The following SMOC1 variants were observed in gnomAD, a reference collection of about 807,000 sequenced individuals.
SMOC1 encodes SPARC-related modular calcium-binding protein 1.
In SMOC1, 22 loss-of-function variants were observed where a neutral mutation model predicts 56.3. That is an observed-to-expected ratio of 0.39 (90% CI 0.28 to 0.56). SMOC1 has a LOEUF of 0.56. Among genes scored for constraint, SMOC1 ranks in the 20% least tolerant of loss-of-function variants. The probability of loss-of-function intolerance (pLI) is 0.61; values close to 1 mark genes in which losing one functional copy is unlikely to be tolerated. For missense variants in SMOC1, 509 were observed against 565.4 expected (o/e 0.90, Z 1.01); for synonymous variants, 193 against 215.0 (o/e 0.90, Z 0.89).
chr14:69,883,117 G>A (rs979677192), intron 1 of SMOC1, among the ~76,000 whole-genome samples: 8 of 152,122 alleles, frequency 5.3e-5, no homozygotes, highest in Admixed American at 2.0e-4. Flanking sequence ...GCATTACCTC[G>A]CATAATTATT....
intron 1 of SMOC1, among the ~76,000 whole-genome samples, chr14:69,945,706 G>A (rs1043740876): frequency 6.6e-6 from 1 of 152,218 alleles, no homozygotes. Context: ...ACTTGAAGCT[G>A]TGTTACATAT....
chr14:69,948,896 T>G (rs1018115351), intron 1 of SMOC1, among the ~76,000 whole-genome samples: 5 of 152,214 alleles, frequency 3.3e-5, no homozygotes, highest in Non-Finnish European at 7.3e-5. Context: ...TGGGTGCTGT[T>G]GCTGGTACTG....
At chr14:69,962,566 T>C (rs1052714116) in intron 3 of SMOC1, among the ~76,000 whole-genome samples, 1 of 152,018 alleles carries the variant, frequency 6.6e-6, no homozygotes, top group Non-Finnish European at 1.5e-5. Context: ...GCTTCTTTTT[T>C]TCTTTTTTCT....
In SMOC1 at chr14:70,024,950, A is replaced by G. The variant is rs368202662; in HGVS notation, c.1291+1503A>G. 1.4e-4 allele frequency among the ~76,000 whole-genome samples: 21 copies of G among 152,340 alleles called. No individual in the cohort carries two copies. The East Asian group carries it at 2.1e-3, about 15-fold the overall frequency. On this transcript the variant is annotated intron_variant, in intron 11 of 11. Coordinates refer to ENST00000361956, the MANE Select transcript of SMOC1 (RefSeq NM_001034852.3). ...GTCCAGGCTAGAGTGATGGAGGGCC[A>G]AGTTATGAAAACACAGCAGGGTAAG...
chr14:70,027,524 A>G (rs904778400), intron 11 of SMOC1, among the ~76,000 whole-genome samples: 6 of 152,146 alleles, frequency 3.9e-5, no homozygotes, highest in Non-Finnish European at 8.8e-5. Flanking sequence ...CTATGGGATG[A>G]CGGACCACTA....
At chr14:69,897,185 T>C (rs1321280650) in intron 1 of SMOC1, among the ~76,000 whole-genome samples, 1 of 152,142 alleles carries the variant, frequency 6.6e-6, no homozygotes, top group Admixed American at 6.5e-5. Flanking sequence ...GTCTGGGGGT[T>C]GGAAAGCCAA....
At chr14:69,956,980 C>T (rs1883211255) in intron 3 of SMOC1, among the ~76,000 whole-genome samples, 2 of 132,136 alleles carry the variant, frequency 1.5e-5, no homozygotes. Context: ...TGGACTTCAT[C>T]ACTCTGTTTC....
At chr14:69,983,411 C>G (rs571690232) in intron 5 of SMOC1, among the ~76,000 whole-genome samples, 1 of 152,328 alleles carries the variant, frequency 6.6e-6, no homozygotes, top group East Asian at 1.9e-4. Flanking sequence ...GAGTCCAGGC[C>G]TCACCTCCTG....
intron 7 of SMOC1, among the ~76,000 whole-genome samples, chr14:70,002,895 C>G (rs564886570): frequency 1.3e-5 from 2 of 152,328 alleles, no homozygotes; most frequent in African/African-American, 2.4e-5. Context: ...CACATCTAGT[C>G]CCTGTGCTAA....
intron 10 of SMOC1, among the ~76,000 whole-genome samples, chr14:70,020,702 C>T (rs1312103313): frequency 6.6e-6 from 1 of 151,946 alleles, no homozygotes; most frequent in African/African-American, 2.4e-5. Context: ...CACTGGGAGG[C>T]CTTGATGGGA....
chr14:69,994,143 T>C (rs1566703132), intron 6 of SMOC1: 2 of 546,846 alleles, frequency 3.7e-6, no homozygotes, highest in East Asian at 6.4e-5. Context: ...TATTCCTGGA[T>C]GGAGTGCTCA....
rs569801221 is a variant in SMOC1, at chr14:69,986,886, T to C, written c.527-5531T>C. 7.8e-4 allele frequency among the ~76,000 whole-genome samples: 119 copies of C among 152,328 alleles called. 1 individual carries two copies. Among genetic ancestry groups the C allele is most frequent in the Non-Finnish European group, 3.7e-4 (25 of 68,034 alleles). On this transcript the variant is annotated intron_variant, in intron 5 of 11. Transcript: ENST00000361956. ...CTCCTGCTTTGGAAAGAACCTGACA[T>C]GCCCGACCACTTCTGCTCCTACAGA...
intron 3 of SMOC1, among the ~76,000 whole-genome samples, chr14:69,963,365 A>G (rs74333052): frequency 3.3e-4 from 50 of 152,254 alleles, no homozygotes; most frequent in Admixed American, 9.8e-4. Flanking sequence ...GGGGTAGGAA[A>G]CTTTTTAGAA....
chr14:69,928,320 T>G (rs976667359), intron 1 of SMOC1, among the ~76,000 whole-genome samples: 4 of 152,212 alleles, frequency 2.6e-5, no homozygotes, highest in Non-Finnish European at 4.4e-5. Context: ...TTTCGAGATT[T>G]TCCTTGTCTG....
At chr14:69,949,997 T>C (rs1009664064) in intron 1 of SMOC1, among the ~76,000 whole-genome samples, 9 of 152,182 alleles carry the variant, frequency 5.9e-5, no homozygotes, top group Non-Finnish European at 1.2e-4. Context: ...TCTCTGGAGA[T>C]GATGATCTGA....
intron 5 of SMOC1, among the ~76,000 whole-genome samples, chr14:69,979,625 A>T (rs1186607922): frequency 6.6e-6 from 1 of 152,028 alleles, no homozygotes; most frequent in Non-Finnish European, 1.5e-5. Context: ...TTTCTAGCAG[A>T]GCATTTTTAA....
At chr14:69,921,431 T>C (rs1456252268) in intron 1 of SMOC1, among the ~76,000 whole-genome samples, 1 of 152,192 alleles carries the variant, frequency 6.6e-6, no homozygotes. Flanking sequence ...GAATGTTGAG[T>C]TCTTCCCTAT....
chr14:70,013,605 G>GGC, intron 10 of SMOC1, 114 bp downstream of exon 10: 1 of 896,556 alleles, frequency 1.1e-6, no homozygotes, highest in South Asian at 1.3e-5. Flanking sequence ...AGGGCTGGAA[G>GGC]TTGATCTTTT....
intron 11 of SMOC1, among the ~76,000 whole-genome samples, chr14:70,024,718 CA>C (rs1474448918): frequency 6.6e-6 from 1 of 152,110 alleles, no homozygotes; most frequent in African/African-American, 2.4e-5. Flanking sequence ...GTAGGAAGAG[CA>C]GGGGTGGTGA....
Sources: gnomAD v4.1 joint callset for allele counts (sites outside exome capture counted in the v4.1 genomes callset) on GRCh38, gnomAD v4.1.1 for gene constraint, MANE v1.5 for transcripts, NCBI Gene and HGNC (gene_info 2026-07-23, HGNC 2026-07-21) for gene names.